The following CTNNA3 variants were observed in gnomAD, a reference collection of about 807,000 sequenced individuals.
CTNNA3 encodes the protein catenin alpha 3, also known as catenin alpha-3.
In CTNNA3, 76 loss-of-function variants were observed where a neutral mutation model predicts 95.7. That is an observed-to-expected ratio of 0.79 (90% CI 0.66 to 0.96). CTNNA3 has a LOEUF of 0.96. CTNNA3 is among the 40% of genes least tolerant of loss of function. CTNNA3 has a pLI of 0.00. For synonymous variants in CTNNA3, 431 were observed against 374.4 expected (o/e 1.15, Z -1.74); for missense variants, 1,191 against 1,089.8 (o/e 1.09, Z -1.31).
chr10:67,164,640 G>C (rs894600224), intron 7 of CTNNA3, among the ~76,000 whole-genome samples: 4 of 152,008 alleles, frequency 2.6e-5, no homozygotes, highest in African/African-American at 9.7e-5. Context: ...ACTAATATCT[G>C]AAAAGGTCTC....
intron 9 of CTNNA3, among the ~76,000 whole-genome samples, chr10:66,762,710 C>G (rs1298490843): frequency 6.6e-6 from 1 of 151,794 alleles, no homozygotes; most frequent in Non-Finnish European, 1.5e-5. Context: ...CAAATTATTA[C>G]CCACATACTT....
chr10:67,416,847 G>C (rs1271266588), intron 5 of CTNNA3, among the ~76,000 whole-genome samples: 3 of 152,072 alleles, frequency 2.0e-5, no homozygotes, highest in Non-Finnish European at 2.9e-5. Context: ...TCTGCTGGTG[G>C]GAATGTAATT....
chr10:67,172,765 G>A (rs1862071961), intron 7 of CTNNA3, among the ~76,000 whole-genome samples: 1 of 152,108 alleles, frequency 6.6e-6, no homozygotes, highest in Admixed American at 6.5e-5. Flanking sequence ...TCTGAGGTCA[G>A]GAGTTCAAGA....
intron 7 of CTNNA3, among the ~76,000 whole-genome samples, chr10:66,808,993 G>C (rs1474869548): frequency 6.6e-6 from 1 of 152,090 alleles, no homozygotes; most frequent in Non-Finnish European, 1.5e-5. Context: ...TATACCTTGG[G>C]CTGTTACAGC....
chr10:66,681,929 T>A (rs1459611813), intron 9 of CTNNA3, among the ~76,000 whole-genome samples: 5 of 152,126 alleles, frequency 3.3e-5, no homozygotes, highest in Non-Finnish European at 7.4e-5. Flanking sequence ...AAAAGGATTG[T>A]GTTTTGATCA....
intron 11 of CTNNA3, among the ~76,000 whole-genome samples, chr10:66,444,927 C>T (rs1054223116): frequency 6.6e-6 from 1 of 151,940 alleles, no homozygotes; most frequent in African/African-American, 2.4e-5. Context: ...TTCAGGAAAC[C>T]CATCTCACGT....
At chr10:66,369,833 G>T (rs2092740040) in intron 12 of CTNNA3, among the ~76,000 whole-genome samples, 1 of 152,096 alleles carries the variant, frequency 6.6e-6, no homozygotes, top group Non-Finnish European at 1.5e-5. Context: ...GCTCACCTAA[G>T]AAATGCTTAA....
chr10:67,699,509 A>T (rs1308776761), upstream of CTNNA3, among the ~76,000 whole-genome samples: 1 of 152,202 alleles, frequency 6.6e-6, no homozygotes, highest in Non-Finnish European at 1.5e-5. Context: ...TCCTGTTGCC[A>T]ATAATTGGTG....
At chr10:66,286,389 T>C (rs1048045977) in intron 12 of CTNNA3, among the ~76,000 whole-genome samples, 2 of 152,088 alleles carry the variant, frequency 1.3e-5, no homozygotes, top group Admixed American at 1.3e-4. Context: ...AAAAATCTAC[T>C]CCTGCATCTT....
At chr10:66,366,922 T>G (rs2092714568) in intron 12 of CTNNA3, among the ~76,000 whole-genome samples, 1 of 152,088 alleles carries the variant, frequency 6.6e-6, no homozygotes, top group Non-Finnish European at 1.5e-5. Context: ...GAGTTATAAC[T>G]ACAACAGTTA....
chr10:66,447,487 A>G (rs977523459), intron 11 of CTNNA3, among the ~76,000 whole-genome samples: 2 of 147,370 alleles, frequency 1.4e-5, no homozygotes, highest in African/African-American at 5.1e-5. Context: ...ATATAGATCA[A>G]TGGAACAGAA....
At chr10:67,202,761 G>C (rs1189038983) in intron 6 of CTNNA3, among the ~76,000 whole-genome samples, 2 of 151,750 alleles carry the variant, frequency 1.3e-5, no homozygotes, top group African/African-American at 4.8e-5. Flanking sequence ...AGAAAAAAAA[G>C]AAAACTGTAA....
intron 12 of CTNNA3, among the ~76,000 whole-genome samples, chr10:66,314,359 T>C (rs114451314): frequency 0.015 from 2,344 of 152,312 alleles, 55 homozygotes; most frequent in African/African-American, 0.055. Flanking sequence ...GATTTGTATA[T>C]AAAATCTTTC....
chr10:66,199,297 G>A (rs2087163051), intron 13 of CTNNA3, among the ~76,000 whole-genome samples: 1 of 151,966 alleles, frequency 6.6e-6, no homozygotes, highest in African/African-American at 2.4e-5. Flanking sequence ...ATATAACATA[G>A]TACATTGTTT....
At chr10:67,102,618 C>A (rs1301189353) in intron 7 of CTNNA3, among the ~76,000 whole-genome samples, 1 of 151,574 alleles carries the variant, frequency 6.6e-6, no homozygotes, top group Non-Finnish European at 1.5e-5. Context: ...TATTTGTCTT[C>A]CTGAAAAGGT....
intron 4 of CTNNA3, among the ~76,000 whole-genome samples, chr10:67,538,088 C>G (rs1380337015): frequency 6.9e-6 from 1 of 144,626 alleles, no homozygotes; most frequent in Admixed American, 6.9e-5. Flanking sequence ...AATTATATCA[C>G]CTACAAATCT....
At chr10:66,421,194 A>G (rs893581108) in intron 11 of CTNNA3, among the ~76,000 whole-genome samples, 5 of 152,170 alleles carry the variant, frequency 3.3e-5, no homozygotes, top group Non-Finnish European at 7.3e-5. Flanking sequence ...ATATGTGGGA[A>G]CTAAAAAGAT....
In CTNNA3 at chr10:67,372,151, C is replaced by A. The variant is rs576120349; in HGVS notation, c.579+149691G>T. 2.4e-4 allele frequency among the ~76,000 whole-genome samples: 37 copies of A among 151,972 alleles called. No individual in the cohort carries two copies. The East Asian group carries it at 7.0e-3, about 29-fold the overall frequency. On this transcript the variant is annotated intron_variant, in intron 5 of 17. Coordinates refer to ENST00000433211, the MANE Select transcript of CTNNA3 (RefSeq NM_013266.4). The stretch of plus-strand genomic sequence containing the variant: ...AGCCCTTTGTCAGATGAGTAGATTG[C>A]AAAAATTTTCTCCCATTCTGTAGGT...
At chr10:66,281,158 TA>T (rs575745715) in intron 12 of CTNNA3, among the ~76,000 whole-genome samples, 2 of 151,666 alleles carry the variant, frequency 1.3e-5, no homozygotes, top group African/African-American at 4.8e-5. Context: ...TTCTCTATAA[TA>T]AAAAAAATTA....
Sources: allele counts gnomAD v4.1 joint callset (sites outside exome capture counted in the v4.1 genomes callset), GRCh38; gene constraint gnomAD v4.1.1; transcripts MANE v1.5; gene names NCBI Gene and HGNC (gene_info 2026-07-23, HGNC 2026-07-21).